EMP2: variants seen among roughly 807,000 people sequenced by gnomAD.
EMP2 encodes epithelial membrane protein 2.
In EMP2, 19 loss-of-function variants were observed where a neutral mutation model predicts 13.7. That is an observed-to-expected ratio of 1.38 (90% CI 0.97 to 2.03). EMP2 has a LOEUF of 2.03. EMP2 is among the 30% of genes most tolerant of loss of function. The probability of loss-of-function intolerance (pLI) is 0.00; values close to 1 mark genes in which losing one functional copy is unlikely to be tolerated. For synonymous variants in EMP2, 97 were observed against 84.7 expected, an observed-to-expected ratio of 1.15 and a Z score of -0.80; for missense variants, 253 against 220.7, an observed-to-expected ratio of 1.15 and a Z score of -0.93.
intron 4 of EMP2, among the ~76,000 whole-genome samples, chr16:10,537,334 T>A (rs1349710488): frequency 6.6e-6 from 1 of 152,352 alleles, no homozygotes; most frequent in South Asian, 2.1e-4. Flanking sequence ...AGGCTGTGCC[T>A]TGTTCATCTC....
chr16:10,566,604 G>A (rs972378294), intron 1 of EMP2, among the ~76,000 whole-genome samples: 1 of 152,208 alleles, frequency 6.6e-6, no homozygotes, highest in East Asian at 1.9e-4. Flanking sequence ...CCACTGTGCA[G>A]AAAACAGCAT....
chr16:10,543,468 G>A (rs2050716144), intron 3 of EMP2, 102 bp downstream of exon 3: 1 of 1,311,128 alleles, frequency 7.6e-7, no homozygotes, highest in Non-Finnish European at 1.1e-6. Flanking sequence ...AGTATGCAGT[G>A]AGTGGAGGAG....
intron 4 of EMP2, among the ~76,000 whole-genome samples, 158 bp downstream of exon 4, chr16:10,537,760 CCACACACACA>C (rs34979037): frequency 6.7e-6 from 1 of 149,174 alleles, no homozygotes; most frequent in Non-Finnish European, 1.5e-5. Flanking sequence ...ATGCATGCGC[CCACACACACA>C]CACACACACA....
At chr16:10,564,288 C>G (rs183604974) in intron 1 of EMP2, among the ~76,000 whole-genome samples, 250 of 152,122 alleles carry the variant, frequency 1.6e-3, no homozygotes, top group African/African-American at 5.9e-3. Context: ...GTCAGAAGTT[C>G]AAGACCAGCC....
At position 10,532,733 on chromosome 16, in the gene EMP2, C is replaced by G. The variant is rs9927921; in HGVS notation, c.*172G>C. 5,089 of 477,042 alleles carry G rather than the reference C, an allele frequency of 0.011. 351 individuals carry two copies. The African/African-American group carries it at 0.18, about 17-fold the overall frequency. The allele number at this position is 477,042 out of a possible 1,614,324, so 29.6% of individuals were successfully genotyped here. Reference sequence around the variant, plus strand: ...CTCAAGAATGCAAAAACTCTTCTCTCTTTTGGATTTTTTTTTTCTTTTTTC... The same window carrying G: ...CTCAAGAATGCAAAAACTCTTCTCTGTTTTGGATTTTTTTTTTCTTTTTTC... On this transcript the variant is annotated 3_prime_UTR_variant, in exon 5 of 5. Transcript: ENST00000359543.
chr16:10,547,519 G>A (rs376319557), intron 2 of EMP2, 21 bp downstream of exon 2: 2 of 1,613,366 alleles, frequency 1.2e-6, no homozygotes, highest in African/African-American at 1.3e-5. Context: ...TTCTGCGTGA[G>A]TGGCAGGAAA....
At chr16:10,549,568 T>C (rs2050767092) in intron 1 of EMP2, among the ~76,000 whole-genome samples, 1 of 152,198 alleles carries the variant, frequency 6.6e-6, no homozygotes, top group South Asian at 2.1e-4. Flanking sequence ...CATTCTTCTT[T>C]TATTCCAATA....
chr16:10,540,262 A>G lies in EMP2; in HGVS notation c.170-2188T>C, dbSNP rs909610036. On this transcript the variant is annotated intron_variant, in intron 3 of 4. Transcript: ENST00000359543. ...GACTCACGCCTGTAATCCCAGCACT[A>G]TGGGAGGCAGAGGCAGGTGGATCAC... 7.9e-5 allele frequency among the ~76,000 whole-genome samples: 12 copies of G among 152,218 alleles called. No homozygotes were observed. The East Asian group carries it at 1.9e-3, about 25-fold the overall frequency.
intron 4 of EMP2, among the ~76,000 whole-genome samples, chr16:10,536,542 CCTTT>C (rs1204108036): frequency 2.6e-5 from 4 of 152,184 alleles, no homozygotes; most frequent in Admixed American, 1.3e-4. Context: ...TTTTGTTCTT[CCTTT>C]GTCTTCCGCC....
At chr16:10,542,917 C>T (rs1207507034) in intron 3 of EMP2, among the ~76,000 whole-genome samples, 1 of 152,250 alleles carries the variant, frequency 6.6e-6, no homozygotes, top group Non-Finnish European at 1.5e-5. Context: ...GTGATCTCGG[C>T]TCACCGCAAC....
chr16:10,574,499 G>A (rs914689278), intron 1 of EMP2, among the ~76,000 whole-genome samples: 1 of 151,660 alleles, frequency 6.6e-6, no homozygotes, highest in Admixed American at 6.6e-5. Context: ...GACAAACCAT[G>A]CACCCACTGC....
intron 1 of EMP2, among the ~76,000 whole-genome samples, chr16:10,556,482 C>G (rs923976566): frequency 1.3e-5 from 2 of 152,204 alleles, no homozygotes; most frequent in Admixed American, 1.3e-4. Flanking sequence ...GTAGGACAAG[C>G]AATCCATGTG....
At chr16:10,541,817 C>G (rs535780236) in intron 3 of EMP2, among the ~76,000 whole-genome samples, 1 of 152,324 alleles carries the variant, frequency 6.6e-6, no homozygotes, top group South Asian at 2.1e-4. Flanking sequence ...CTTAACTGCT[C>G]TCTGCCTCAG....
intron 1 of EMP2, among the ~76,000 whole-genome samples, chr16:10,550,466 T>A (rs949449775): frequency 6.6e-6 from 1 of 152,220 alleles, no homozygotes; most frequent in African/African-American, 2.4e-5. Flanking sequence ...ACTTATTTTG[T>A]AGAATGTCCC....
chr16:10,544,532 A>G (rs999781219), intron 2 of EMP2: 1 of 152,236 alleles, frequency 6.6e-6, no homozygotes, highest in East Asian at 1.9e-4. Flanking sequence ...ACTTTCTCCC[A>G]AAGGATAAGA....
intron 4 of EMP2, among the ~76,000 whole-genome samples, chr16:10,534,215 T>C (rs1330054803): frequency 1.3e-5 from 2 of 152,176 alleles, no homozygotes; most frequent in African/African-American, 4.8e-5. Flanking sequence ...CTTTAAATAT[T>C]GTCGGGGCAG....
intron 1 of EMP2, among the ~76,000 whole-genome samples, chr16:10,574,805 C>T (rs1052839636): frequency 3.3e-5 from 5 of 152,166 alleles, no homozygotes; most frequent in African/African-American, 2.4e-5. Flanking sequence ...CCACCTCAGC[C>T]TCCCAAAGTG....
intron 2 of EMP2, chr16:10,545,105 A>T (rs2050729999): frequency 6.6e-6 from 1 of 152,178 alleles, no homozygotes; most frequent in South Asian, 2.1e-4. Flanking sequence ...GCATCTTCTT[A>T]GTATGTGCCA....
At position 10,551,563 on chromosome 16, in the gene EMP2, C is replaced by T. The variant is rs112676328; in HGVS notation, c.-60-3886G>A. Among the ~76,000 whole-genome samples the T allele has an allele frequency of 8.3e-3, 1,268 of 152,232 alleles. 17 individuals carry two copies. Among genetic ancestry groups the T allele is most frequent in the African/African-American group, 0.029 (1,206 of 41,532 alleles). On this transcript the variant is annotated intron_variant, in intron 1 of 4. Transcript: ENST00000359543. ...CTGGGACTACAGGCACGTGCTACTA[C>T]GCCTGGCTAATTTTTGCATTTTTAG...
Sources: gnomAD v4.1 joint callset for allele counts (sites outside exome capture counted in the v4.1 genomes callset) on GRCh38, gnomAD v4.1.1 for gene constraint, MANE v1.5 for transcripts, NCBI Gene and HGNC (gene_info 2026-07-23, HGNC 2026-07-21) for gene names.